SLC35F3: variants seen among roughly 807,000 people sequenced by gnomAD.
The protein encoded by SLC35F3 is putative thiamine transporter SLC35F3.
Under a neutral mutation model 49.9 loss-of-function variants are expected in SLC35F3, and 25 were observed. The observed-to-expected ratio is 0.50, with a 90% CI of 0.37 to 0.70. SLC35F3 has a LOEUF of 0.70. Ranked by LOEUF, SLC35F3 falls within the 30% of genes least tolerant of loss-of-function variation. The pLI is 0.00. For synonymous variants in SLC35F3, 275 were observed against 265.4 expected (o/e 1.04, Z -0.35); for missense variants, 525 against 639.8 (o/e 0.82, Z 1.94).
intron 2 of SLC35F3, among the ~76,000 whole-genome samples, chr1:234,087,504 C>G (rs1664978368): frequency 6.6e-6 from 1 of 152,198 alleles, no homozygotes; most frequent in Non-Finnish European, 1.5e-5. Flanking sequence ...GTTAAATGTC[C>G]TGTTCAACAT....
intron 2 of SLC35F3, among the ~76,000 whole-genome samples, chr1:234,169,962 T>C (rs532591703): frequency 2.0e-5 from 3 of 152,104 alleles, no homozygotes; most frequent in African/African-American, 7.2e-5. Flanking sequence ...GGAGACGGGG[T>C]TTCACCGTGT....
At chr1:233,948,855 G>A (rs1385445503) in intron 2 of SLC35F3, among the ~76,000 whole-genome samples, 2 of 151,994 alleles carry the variant, frequency 1.3e-5, no homozygotes, top group South Asian at 2.1e-4. Flanking sequence ...GAGGTAAGGC[G>A]TTTCTATGAT....
intron 2 of SLC35F3, among the ~76,000 whole-genome samples, chr1:234,063,087 A>G (rs946599839): frequency 6.6e-6 from 1 of 152,012 alleles, no homozygotes; most frequent in Non-Finnish European, 1.5e-5. Context: ...AGCAAGCACC[A>G]TCAGGGTCCT....
intron 2 of SLC35F3, among the ~76,000 whole-genome samples, chr1:234,205,315 C>T (rs1418471568): frequency 1.3e-5 from 2 of 152,148 alleles, no homozygotes; most frequent in African/African-American, 4.8e-5. Flanking sequence ...AGAAACATAG[C>T]GCCAGGAACA....
chr1:234,120,340 G>A (rs1166688132), intron 2 of SLC35F3, among the ~76,000 whole-genome samples: 1 of 152,200 alleles, frequency 6.6e-6, no homozygotes, highest in Non-Finnish European at 1.5e-5. Flanking sequence ...TAAACTGCAG[G>A]ACTTTTTATT....
chr1:233,986,039 C>G (rs1012567076), intron 2 of SLC35F3, among the ~76,000 whole-genome samples: 1 of 152,134 alleles, frequency 6.6e-6, no homozygotes, highest in Admixed American at 6.6e-5. Context: ...GTCTTTGGAC[C>G]TTAGTACCCT....
At chr1:234,112,013 A>T (rs1402393758) in intron 2 of SLC35F3, among the ~76,000 whole-genome samples, 1 of 151,994 alleles carries the variant, frequency 6.6e-6, no homozygotes, top group African/African-American at 2.4e-5. Context: ...AGAACCTCAG[A>T]TCTTTCTCAT....
rs190454646 is a variant in SLC35F3 at position 234,257,160 on chromosome 1, G to A, written c.608+25419G>A. ...AATTTTATGACCAAACTATAATAGTGCAACATATTGTCTGTCACCTTATGC... is the reference window on the plus strand; with the variant it reads ...AATTTTATGACCAAACTATAATAGTACAACATATTGTCTGTCACCTTATGC... On this transcript the variant is annotated intron_variant, in intron 3 of 7. Transcript: ENST00000366618. Among the ~76,000 whole-genome samples the A allele has an allele frequency of 2.3e-3, 351 of 152,264 alleles. 1 individual carries two copies. The highest frequency in any genetic ancestry group is 7.7e-3 in the African/African-American group (319 of 41,554).
chr1:234,129,154 C>T (rs1488958827), intron 2 of SLC35F3, among the ~76,000 whole-genome samples: 1 of 152,184 alleles, frequency 6.6e-6, no homozygotes, highest in Non-Finnish European at 1.5e-5. Context: ...ATTTAAAATA[C>T]ATACACCTCC....
chr1:234,002,625 C>T (rs1025020584), intron 2 of SLC35F3, among the ~76,000 whole-genome samples: 3 of 152,134 alleles, frequency 2.0e-5, no homozygotes, highest in Non-Finnish European at 2.9e-5. Context: ...GCCTTGATCA[C>T]CTGGCTGAGG....
chr1:234,063,237 C>T (rs768038229), intron 2 of SLC35F3, among the ~76,000 whole-genome samples: 3 of 152,048 alleles, frequency 2.0e-5, no homozygotes, highest in Non-Finnish European at 4.4e-5. Context: ...ATTTCTGCAA[C>T]CAGTTACAGA....
chr1:234,019,946 A>T (rs1663865892), intron 2 of SLC35F3, among the ~76,000 whole-genome samples: 1 of 152,244 alleles, frequency 6.6e-6, no homozygotes, highest in Admixed American at 6.5e-5. Flanking sequence ...CACATTCTGA[A>T]GGTTCACTCA....
At chr1:234,241,735 C>CAAA (rs34326038) in intron 3 of SLC35F3, among the ~76,000 whole-genome samples, 2 of 89,942 alleles carry the variant, frequency 2.2e-5, no homozygotes, top group African/African-American at 3.9e-5. Flanking sequence ...CACTCTGTCT[C>CAAA]AAAAAAAAAA....
At chr1:233,982,067 C>A (rs950661157) in intron 2 of SLC35F3, among the ~76,000 whole-genome samples, 3 of 152,152 alleles carry the variant, frequency 2.0e-5, no homozygotes, top group Admixed American at 6.5e-5. Flanking sequence ...GAACCACAGG[C>A]TTGTGCCACC....
chr1:234,186,757 G>T (rs1666649540), intron 2 of SLC35F3, among the ~76,000 whole-genome samples: 1 of 152,162 alleles, frequency 6.6e-6, no homozygotes, highest in Admixed American at 6.5e-5. Flanking sequence ...GGTATCCCAT[G>T]TACATTAGCT....
rs111383375 is a variant in SLC35F3, at chr1:234,103,933, G to A, written c.284-127484G>A. On this transcript the variant is annotated intron_variant, in intron 2 of 7. Coordinates refer to ENST00000366618, the MANE Select transcript of SLC35F3 (RefSeq NM_173508.4). ...CTTTTCCCTTAGCCATGAGATTAGC[G>A]GCATTCCAAATAGAGAAGTTCCAGC... Among the ~76,000 whole-genome samples the A allele has an allele frequency of 4.4e-3, 667 of 152,218 alleles. 6 individuals carry two copies. The highest frequency in any genetic ancestry group is 0.015 in the African/African-American group (620 of 41,526).
chr1:234,176,440 G>A (rs568349941), intron 2 of SLC35F3, among the ~76,000 whole-genome samples: 5 of 152,158 alleles, frequency 3.3e-5, no homozygotes, highest in African/African-American at 9.7e-5. Flanking sequence ...AGTAACTCAC[G>A]CTTGTTCCAC....
intron 2 of SLC35F3, among the ~76,000 whole-genome samples, chr1:233,944,212 G>C (rs965201123): frequency 6.6e-6 from 1 of 152,060 alleles, no homozygotes; most frequent in Admixed American, 6.5e-5. Context: ...AGGAGATTGA[G>C]ACACAAAAAA....
intron 2 of SLC35F3, among the ~76,000 whole-genome samples, chr1:233,918,792 CTCT>C (rs1662012359): frequency 1.2e-5 from 1 of 82,512 alleles, no homozygotes; most frequent in African/African-American, 3.2e-5. Context: ...CTCTCTCTCT[CTCT>C]CTTTCTCTCT....
Sources: gnomAD v4.1 joint callset for allele counts (sites outside exome capture counted in the v4.1 genomes callset) on GRCh38, gnomAD v4.1.1 for gene constraint, MANE v1.5 for transcripts, NCBI Gene and HGNC (gene_info 2026-07-23, HGNC 2026-07-21) for gene names.